ZNF207: variants seen among roughly 807,000 people sequenced by gnomAD.
ZNF207 encodes the protein zinc finger protein 207.
A neutral mutation model predicts 60.2 loss-of-function variants in ZNF207; 24 were observed. That is an observed-to-expected ratio of 0.40 (90% CI 0.29 to 0.56). The LOEUF (loss-of-function observed/expected upper bound fraction) is 0.56, where lower values mean the gene tolerates loss of function less well. Among genes scored for constraint, ZNF207 ranks in the 20% least tolerant of loss-of-function variants. The pLI is 0.49. For synonymous variants in ZNF207, 236 were observed against 194.7 expected, an observed-to-expected ratio of 1.21 and a Z score of -1.77; for missense variants, 452 against 636.6, an observed-to-expected ratio of 0.71 and a Z score of 3.12.
intron 9 of ZNF207, among the ~76,000 whole-genome samples, chr17:32,367,269 ATATATATATAT>A (rs1905234586): frequency 2.7e-5 from 3 of 110,330 alleles, no homozygotes; most frequent in African/African-American, 1.1e-4. Flanking sequence ...ATATATATAT[ATATATATATAT>A]ATATAAAGAA....
chr17:32,362,999 A>G lies in ZNF207; in HGVS notation c.670+15A>G. On this transcript the variant is annotated intron_variant, in intron 7 of 11. Coordinates refer to ENST00000394670, the MANE Select transcript of ZNF207 (RefSeq NM_001098507.2). ...AATGCCACCAGGTATATGTTAGATAATTTCATTTTAATATGATGTACAGGC... is the reference window on the plus strand; with the variant it reads ...AATGCCACCAGGTATATGTTAGATAGTTTCATTTTAATATGATGTACAGGC... 1 of 1,609,574 alleles carries G rather than the reference A, an allele frequency of 6.2e-7. No individual in the cohort carries two copies. The highest frequency in any genetic ancestry group is 8.5e-7 in the Non-Finnish European group (1 of 1,177,372).
Position 32,378,967 on chromosome 17 carries a change from T to A in ZNF207, c.*9208T>A, listed in dbSNP as rs965810904. ...TAGTAATCTTGAATTCCTCTTGAGCTGGATGGTGATTAGCCATTGTGAAAA... is the reference window on the plus strand; with the variant it reads ...TAGTAATCTTGAATTCCTCTTGAGCAGGATGGTGATTAGCCATTGTGAAAA... On this transcript the variant is annotated 3_prime_UTR_variant, in exon 12 of 12. Coordinates refer to ENST00000394670, the MANE Select transcript of ZNF207 (RefSeq NM_001098507.2). 7 of 152,116 alleles carry A rather than the reference T, an allele frequency of 4.6e-5. No homozygotes were observed. The highest frequency in any genetic ancestry group is 3.9e-4 in the Admixed American group (6 of 15,266). The allele number at this position is 152,116 out of a possible 1,614,324, so 9.4% of individuals were successfully genotyped here.
At chr17:32,351,230 T>G (rs2041501013) in intron 1 of ZNF207, 1 of 177,144 alleles carries the variant, frequency 5.6e-6, no homozygotes, top group African/African-American at 2.4e-5. Flanking sequence ...ATTGATTTTA[T>G]TGATCTGTGA....
rs540351568 is a variant in ZNF207, at chr17:32,381,532, C to A, written c.*11773C>A. ...TGGAAGACTACATTTGTATATATAT[C>A]TGTATAATTTTTGTTTACTAGTAGG... On this transcript the variant is annotated 3_prime_UTR_variant, in exon 12 of 12. Transcript: ENST00000394670. 3 of 152,266 alleles carry A rather than the reference C, an allele frequency of 2.0e-5. No individual in the cohort carries two copies. Among genetic ancestry groups the A allele is most frequent in the Non-Finnish European group, 2.9e-5 (2 of 68,012 alleles). 9.4% of individuals were successfully genotyped at this position (152,266 alleles called of 1,614,324 possible).
intron 6 of ZNF207, among the ~76,000 whole-genome samples, chr17:32,362,350 G>A (rs968756136): frequency 6.6e-6 from 1 of 152,046 alleles, no homozygotes; most frequent in Non-Finnish European, 1.5e-5. Context: ...TTTTTAAAAA[G>A]TTATGGTCTC....
In ZNF207 at chr17:32,372,089, A is replaced by G. The variant is rs180820604; in HGVS notation, c.*2330A>G. On this transcript the variant is annotated 3_prime_UTR_variant, in exon 12 of 12. Transcript: ENST00000394670. The stretch of plus-strand genomic sequence containing the variant: ...GCCCAGGCGGGTGGATCATGAGGTC[A>G]GGAGATGGAGACCATCCTGGCTAAC... The G allele has an allele frequency of 3.9e-5, 6 of 152,478 alleles. No homozygotes were observed. The highest frequency in any genetic ancestry group is 1.9e-4 in the East Asian group (1 of 5,182). 9.4% of individuals were successfully genotyped at this position (152,478 alleles called of 1,614,324 possible).
At chr17:32,358,402 G>A (rs1444115246) in intron 2 of ZNF207, 101 bp from the exon 3 acceptor site, 6 of 1,159,242 alleles carry the variant, frequency 5.2e-6, no homozygotes, top group South Asian at 1.9e-5. Context: ...GCTCTACATG[G>A]CCTCACTATA....
In ZNF207 at chr17:32,378,724, T is replaced by G. The variant is rs913828615; in HGVS notation, c.*8965T>G. 5 of 152,030 alleles carry G rather than the reference T, an allele frequency of 3.3e-5. No individual in the cohort carries two copies. The highest frequency in any genetic ancestry group is 2.1e-4 in the South Asian group (1 of 4,828). 9.4% of individuals were successfully genotyped at this position (152,030 alleles called of 1,614,324 possible). ...TTTTTTTTTATTCTACCCGAGTTCA[T>G]TGTTGTTTGAACCATCCTCTAAAGA... On this transcript the variant is annotated 3_prime_UTR_variant, in exon 12 of 12. Transcript: ENST00000394670.
rs1308568800 is a variant in ZNF207, at chr17:32,376,078, C to T, written c.*6319C>T. 6.6e-6 allele frequency: 1 copy of T among 151,990 alleles called. No individual in the cohort carries two copies. Among genetic ancestry groups the T allele is most frequent in the Non-Finnish European group, 1.5e-5 (1 of 67,914 alleles). The allele number at this position is 151,990 out of a possible 1,614,324, so 9.4% of individuals were successfully genotyped here. ...GCAAAATAAGCACTTGATGTATGGT[C>T]ATGTACATAATGGATATTCATTAAT... On this transcript the variant is annotated 3_prime_UTR_variant, in exon 12 of 12. Transcript: ENST00000394670.
chr17:32,354,090 C>T (rs1904355806), intron 2 of ZNF207, among the ~76,000 whole-genome samples: 1 of 152,038 alleles, frequency 6.6e-6, no homozygotes, highest in Admixed American at 6.5e-5. Flanking sequence ...ATCCTTCCAC[C>T]TTAGCCTCCT....
chr17:32,373,606 A>G lies in ZNF207; in HGVS notation c.*3847A>G, dbSNP rs1905556314. On this transcript the variant is annotated 3_prime_UTR_variant, in exon 12 of 12. Transcript: ENST00000394670. ...ACTCTTTTGGCAGAGAAGGCTCTAT[A>G]TTAATATTCACGTTTGACTGTGGTG... The G allele has an allele frequency of 2.5e-6, 1 of 405,926 alleles. No homozygotes were observed. Among genetic ancestry groups the G allele is most frequent in the East Asian group, 3.5e-5 (1 of 28,770 alleles). 25.1% of individuals were successfully genotyped at this position (405,926 alleles called of 1,614,324 possible).
intron 8 of ZNF207, 87 bp from the exon 9 acceptor site, chr17:32,366,578 T>C (rs546802230): frequency 1.7e-4 from 177 of 1,043,460 alleles, no homozygotes; most frequent in Admixed American, 7.2e-4. Context: ...TTTACAAATA[T>C]GCAATCTACT....
In ZNF207 at chr17:32,365,179, TA is replaced by T. The variant is rs1226105000; in HGVS notation, c.671-149del. The T allele has an allele frequency of 3.9e-4, 319 of 808,702 alleles. 2 individuals are homozygous for T. In the East Asian group the frequency reaches 8.2e-3, roughly 21 times the overall value. 50.1% of individuals were successfully genotyped at this position (808,702 alleles called of 1,614,324 possible). A position where few individuals can be genotyped will look rare whatever the true frequency, so the allele number is the denominator to read the frequency against. On this transcript the variant is annotated intron_variant, in intron 7 of 11. Coordinates refer to ENST00000394670, the MANE Select transcript of ZNF207 (RefSeq NM_001098507.2). ...GTACAAAGGAAGGGAAAATTTAAGG[TA>T]AGAATGTTGCATGGGGCAAATGCCT...
At chr17:32,354,639 C>CG (rs1182578141) in intron 2 of ZNF207, among the ~76,000 whole-genome samples, 3 of 150,262 alleles carry the variant, frequency 2.0e-5, no homozygotes, top group Non-Finnish European at 4.4e-5. Context: ...TTTCTTGAGA[C>CG]GGAGTCTCTT....
intron 3 of ZNF207, 28 bp from the exon 4 acceptor site, chr17:32,360,570 T>C: frequency 6.4e-7 from 1 of 1,571,398 alleles, no homozygotes; most frequent in Non-Finnish European, 8.6e-7. Flanking sequence ...GTTTTTACTC[T>C]ATGGAAATAA....
At chr17:32,361,391 G>T (rs976965040) in intron 5 of ZNF207, 77 bp from the exon 6 acceptor site, 1 of 1,222,882 alleles carries the variant, frequency 8.2e-7, no homozygotes, top group Non-Finnish European at 1.2e-6. Flanking sequence ...TGTTGGATGT[G>T]AGAGGTATAC....
chr17:32,351,895 G>T lies in ZNF207; in HGVS notation c.151G>T (p.Ala51Ser). 1 of 1,564,660 alleles carries T rather than the reference G, an allele frequency of 6.4e-7. No homozygotes were observed. Among genetic ancestry groups the T allele is most frequent in the Non-Finnish European group, 8.7e-7 (1 of 1,153,696 alleles). ...HKKLYTGPGL[A>S]IHCMQVHKET... The stretch of plus-strand genomic sequence containing the variant: ...GAAATTGTATACAGGACCTGGCTTA[G>T]CTATTCATTGCATGCAGGTAAGGAT... The change falls in exon 2 of 12, where the codon GCT (alanine) becomes TCT (serine). Residue 51 changes from alanine to serine, a missense_variant. By Grantham distance (99) the Ala-to-Ser change is moderately conservative (BLOSUM62 1). This residue lies in a region of ZNF207 where 62 missense variants were observed against 175.3 expected (regional missense o/e 0.35). Transcript: ENST00000394670.
chr17:32,353,031 G>A (rs756181110), intron 2 of ZNF207, among the ~76,000 whole-genome samples: 6 of 152,156 alleles, frequency 3.9e-5, no homozygotes, highest in Non-Finnish European at 7.4e-5. Flanking sequence ...AAAATTAGCC[G>A]GGTGTGGTGG....
In ZNF207 at chr17:32,373,310, G is replaced by A; in HGVS notation, c.*3551G>A. On this transcript the variant is annotated 3_prime_UTR_variant, in exon 12 of 12. Transcript: ENST00000394670. ...TGCTCCTTTTGCTTGCTTGATCATT[G>A]GGATTTTTAAAAAAAAAAATTTTAA... 1 of 611,698 alleles carries A rather than the reference G, an allele frequency of 1.6e-6. No homozygotes were observed. The highest frequency in any genetic ancestry group is 1.9e-5 in the South Asian group (1 of 51,516). The allele number at this position is 611,698 out of a possible 1,614,324, so 37.9% of individuals were successfully genotyped here.
Sources: gnomAD v4.1 joint callset for allele counts (sites outside exome capture counted in the v4.1 genomes callset) on GRCh38, gnomAD v4.1.1 for gene constraint, gnomAD v4.1.1 regional missense constraint, MANE v1.5 for transcripts, NCBI Gene and HGNC (gene_info 2026-07-23, HGNC 2026-07-21) for gene names.